RNF4: variants seen among roughly 807,000 people sequenced by gnomAD.
RNF4 encodes ring finger protein 4.
In RNF4, 7 loss-of-function variants were observed where a neutral mutation model predicts 24.3. The ratio of observed to expected loss-of-function variants is 0.29; its 90% CI spans 0.16 to 0.54. RNF4 has a LOEUF of 0.54. Ranked by LOEUF, RNF4 falls within the 20% of genes least tolerant of loss-of-function variation. The pLI, the probability that RNF4 is intolerant of heterozygous loss-of-function variation, is 0.95. For synonymous variants in RNF4, 83 were observed against 84.3 expected (o/e 0.98, Z 0.09); for missense variants, 209 against 248.5 (o/e 0.84, Z 1.07).
chr4:2,506,525 C>G (rs1488564053), intron 4 of RNF4, among the ~76,000 whole-genome samples: 1 of 151,350 alleles, frequency 6.6e-6, no homozygotes, highest in Admixed American at 6.6e-5. Context: ...TTTTTTTTTC[C>G]AAGTTGTGTG....
rs185315025 is a variant in RNF4 at position 2,481,384 on chromosome 4, T to A, written c.-157-8953T>A. ...GTTTTTGCATAGCAAGATGCTTTTT[T>A]ATTTTTTTTAAGGAACACATATGTC... On this transcript the variant is annotated intron_variant, in intron 1 of 7. Coordinates refer to ENST00000314289, the MANE Select transcript of RNF4 (RefSeq NM_002938.5). Among the ~76,000 whole-genome samples, 432 of 152,350 alleles carry A rather than the reference T, an allele frequency of 2.8e-3. 1 individual carries two copies. The highest frequency in any genetic ancestry group is 4.1e-3 in the Non-Finnish European group (277 of 68,036).
chr4:2,505,531 TAGCC>T (rs1281007370), intron 4 of RNF4: 1 of 150,236 alleles, frequency 6.7e-6, no homozygotes, highest in African/African-American at 2.5e-5. Flanking sequence ...TTCACCATGT[TAGCC>T]AGGATGGTCT....
chr4:2,507,478 A>G (rs369045099), intron 4 of RNF4, among the ~76,000 whole-genome samples: 113 of 152,354 alleles, frequency 7.4e-4, no homozygotes, highest in Non-Finnish European at 1.3e-3. Flanking sequence ...GCTGTTGGAC[A>G]TTGAGTAGCC....
intron 1 of RNF4, among the ~76,000 whole-genome samples, chr4:2,478,163 G>A (rs1325113863): frequency 1.3e-5 from 2 of 152,128 alleles, no homozygotes; most frequent in African/African-American, 2.4e-5. Flanking sequence ...AGATGATTTA[G>A]GGTATCTGGC....
At chr4:2,505,723 CTTTTTTTTTTTTTTTTT>C (rs67508332) in intron 4 of RNF4, 1 of 50,636 alleles carries the variant, frequency 2.0e-5, no homozygotes, top group African/African-American at 8.7e-5. Context: ...CATGGTCTGC[CTTTTTTTTTTTTTTTTT>C]TTTTTTTTTT....
At chr4:2,508,911 CTTTTTT>C (rs66571775) in intron 4 of RNF4, among the ~76,000 whole-genome samples, 6 of 62,644 alleles carry the variant, frequency 9.6e-5, no homozygotes, top group African/African-American at 3.5e-4. Context: ...TGCCCCAGGC[CTTTTTT>C]TTTTTTTTTT....
chr4:2,502,686 A>AT (rs1735951450), intron 4 of RNF4, among the ~76,000 whole-genome samples: 1 of 150,192 alleles, frequency 6.7e-6, no homozygotes, highest in Non-Finnish European at 1.5e-5. Context: ...AAAAAAAAAA[A>AT]TACAAAAATT....
At chr4:2,470,076 G>A (rs1420067471) in intron 1 of RNF4, 1 of 152,290 alleles carries the variant, frequency 6.6e-6, no homozygotes, top group Admixed American at 6.5e-5. Context: ...TCACTTGTCA[G>A]TTCCCATAGA....
chr4:2,491,879 A>G (rs1238924283), intron 2 of RNF4, among the ~76,000 whole-genome samples: 3 of 151,572 alleles, frequency 2.0e-5, no homozygotes, highest in Non-Finnish European at 4.4e-5. Context: ...GATCATAGGC[A>G]TGCACCACCG....
intron 2 of RNF4, 31 bp from the exon 3 acceptor site, chr4:2,496,976 A>G: frequency 1.3e-6 from 2 of 1,509,804 alleles, no homozygotes; most frequent in Non-Finnish European, 1.8e-6. Context: ...TCTGGTGTTC[A>G]TGTGACTCTT....
intron 2 of RNF4, among the ~76,000 whole-genome samples, chr4:2,494,035 G>A (rs1735660270): frequency 6.6e-6 from 1 of 151,908 alleles, no homozygotes; most frequent in African/African-American, 2.4e-5. Flanking sequence ...TAGAGACGGG[G>A]TTTCAGCATC....
At chr4:2,470,184 G>C (rs1053323951) in intron 1 of RNF4, 16 of 152,234 alleles carry the variant, frequency 1.1e-4, no homozygotes, top group African/African-American at 3.9e-4. Context: ...CTGTCCAACT[G>C]ACTGGGGAGA....
rs1398286382 is a variant in RNF4, at chr4:2,515,039, C to T, written c.*1220C>T. 3 of 108,580 alleles carry T rather than the reference C, an allele frequency of 2.8e-5. No homozygotes were observed. The highest frequency in any genetic ancestry group is 9.9e-5 in the African/African-American group (3 of 30,276). The allele number at this position is 108,580 out of a possible 1,614,324, so 6.7% of individuals were successfully genotyped here. A position where few individuals can be genotyped will look rare whatever the true frequency, so the allele number is the denominator to read the frequency against. On this transcript the variant is annotated 3_prime_UTR_variant, in exon 8 of 8. Transcript: ENST00000314289. ...GGGGCAGCAAAGTGGCCCAAGCTGC[C>T]CCTGACAGCACAGGGCCTGGGGGGT...
At chr4:2,482,127 C>T (rs71606402) in intron 1 of RNF4, among the ~76,000 whole-genome samples, 3 of 152,164 alleles carry the variant, frequency 2.0e-5, no homozygotes, top group African/African-American at 7.2e-5. Flanking sequence ...ACATGTCTCT[C>T]TTTAGGAGCC....
chr4:2,510,932 G>A (rs1644804687), intron 4 of RNF4, among the ~76,000 whole-genome samples: 1 of 152,182 alleles, frequency 6.6e-6, no homozygotes, highest in Non-Finnish European at 1.5e-5. Context: ...ACAGAGAATT[G>A]GATTGTGTTC....
At chr4:2,493,743 TAAAA>T (rs34740719) in intron 2 of RNF4, among the ~76,000 whole-genome samples, 3 of 88,144 alleles carry the variant, frequency 3.4e-5, no homozygotes, top group African/African-American at 4.2e-5. Flanking sequence ...GACTCCGTCT[TAAAA>T]AAAAAAAAAA....
chr4:2,482,269 A>G (rs1024725418), intron 1 of RNF4, among the ~76,000 whole-genome samples: 7 of 152,110 alleles, frequency 4.6e-5, no homozygotes, highest in African/African-American at 1.7e-4. Flanking sequence ...GTGTCTCACA[A>G]CCATCCCTGT....
chr4:2,469,581 A>G (rs1360036179), intron 1 of RNF4: 1 of 152,180 alleles, frequency 6.6e-6, no homozygotes, highest in East Asian at 1.9e-4. Flanking sequence ...GGTCACTTGG[A>G]AAGTCGGGCA....
At position 2,474,779 on chromosome 4, in the gene RNF4, C is replaced by CT. The variant is rs1578496267; in HGVS notation, c.-158+5524dup. Among the ~76,000 whole-genome samples, 26 of 152,254 alleles carry CT rather than the reference C, an allele frequency of 1.7e-4. 1 individual carries two copies. In the South Asian group the frequency reaches 5.2e-3, roughly 30 times the overall value. On this transcript the variant is annotated intron_variant, in intron 1 of 7. Transcript: ENST00000314289. ...GTGGCTCACGCCTGTAATCCCAGCA[C>CT]TTTAGGAGGCCGAGGCAGGCGGATC...
Sources: allele counts gnomAD v4.1 joint callset (sites outside exome capture counted in the v4.1 genomes callset), GRCh38; gene constraint gnomAD v4.1.1; transcripts MANE v1.5; gene names NCBI Gene and HGNC (gene_info 2026-07-23, HGNC 2026-07-21).